The following RCSD1 variants were observed in gnomAD, a reference collection of about 807,000 sequenced individuals.
RCSD1 encodes capZ-interacting protein.
Under a neutral mutation model 42.5 loss-of-function variants are expected in RCSD1, and 26 were observed. That is an observed-to-expected ratio of 0.61 (90% confidence interval 0.45 to 0.85). The LOEUF (loss-of-function observed/expected upper bound fraction) is 0.85. Among genes scored for constraint, RCSD1 ranks in the 40% least tolerant of loss-of-function variants. The pLI is 0.00. For synonymous variants in RCSD1, 220 were observed against 212.2 expected, an observed-to-expected ratio of 1.04 and a Z score of -0.32; for missense variants, 571 against 528.3, an observed-to-expected ratio of 1.08 and a Z score of -0.79.
At chr1:167,674,892 G>C (rs976288864) in intron 1 of RCSD1, among the ~76,000 whole-genome samples, 1 of 152,110 alleles carries the variant, frequency 6.6e-6, no homozygotes, top group Non-Finnish European at 1.5e-5. Context: ...CATTGTATTA[G>C]TCTGTTCTCA....
chr1:167,634,332 A>G (rs1389170380), intron 1 of RCSD1, among the ~76,000 whole-genome samples: 3 of 152,082 alleles, frequency 2.0e-5, no homozygotes, highest in Non-Finnish European at 4.4e-5. Context: ...GGGCACCAAG[A>G]AAGGCTTGTT....
At chr1:167,652,782 G>A (rs149262997) in intron 1 of RCSD1, among the ~76,000 whole-genome samples, 4 of 152,192 alleles carry the variant, frequency 2.6e-5, no homozygotes, top group African/African-American at 9.6e-5. Context: ...TTCGTCATTT[G>A]TAATGGTAGC....
chr1:167,632,548 G>T (rs1277158566), intron 1 of RCSD1, among the ~76,000 whole-genome samples: 4 of 152,036 alleles, frequency 2.6e-5, no homozygotes, highest in African/African-American at 9.7e-5. Flanking sequence ...AAAAGAGAAG[G>T]CCCTCCCTTA....
chr1:167,639,581 C>T (rs1657954232), intron 1 of RCSD1, among the ~76,000 whole-genome samples: 2 of 152,164 alleles, frequency 1.3e-5, no homozygotes, highest in African/African-American at 4.8e-5. Flanking sequence ...CAACCTCCAC[C>T]TCCCTGGTTC....
chr1:167,683,655 G>A (rs1571094050), intron 1 of RCSD1, among the ~76,000 whole-genome samples: 1 of 152,250 alleles, frequency 6.6e-6, no homozygotes, highest in East Asian at 1.9e-4. Flanking sequence ...CACCCCTCCA[G>A]GACAGAACCA....
intron 1 of RCSD1, among the ~76,000 whole-genome samples, chr1:167,675,131 A>G (rs533687818): frequency 1.5e-5 from 2 of 136,970 alleles, no homozygotes; most frequent in Non-Finnish European, 3.1e-5. Context: ...GCTTGAACCC[A>G]GGAGGTGGAG....
At chr1:167,690,184 G>C in intron 4 of RCSD1, 64 bp downstream of exon 4, 2 of 1,531,624 alleles carry the variant, frequency 1.3e-6, no homozygotes, top group African/African-American at 1.4e-5. Flanking sequence ...TCCAAAATTT[G>C]CATGACTTTG....
At chr1:167,630,986 T>C (rs1196306226) in intron 1 of RCSD1, among the ~76,000 whole-genome samples, 1 of 152,178 alleles carries the variant, frequency 6.6e-6, no homozygotes, top group African/African-American at 2.4e-5. Context: ...CGCATCTTCT[T>C]CCATAACTTT....
At chr1:167,640,203 A>G (rs1657971034) in intron 1 of RCSD1, among the ~76,000 whole-genome samples, 1 of 152,174 alleles carries the variant, frequency 6.6e-6, no homozygotes, top group African/African-American at 2.4e-5. Flanking sequence ...GCTCAAAACA[A>G]CAGAAACGTC....
chr1:167,671,847 C>T (rs1166919008), intron 1 of RCSD1, among the ~76,000 whole-genome samples: 1 of 152,234 alleles, frequency 6.6e-6, no homozygotes, highest in Non-Finnish European at 1.5e-5. Context: ...TGCACGCATG[C>T]TTACATGACA....
At chr1:167,630,721 TAAAAAAAAAAAAAAAAAA>T (rs71097689) in intron 1 of RCSD1, 11 of 32,600 alleles carry the variant, frequency 3.4e-4, no homozygotes, top group South Asian at 3.1e-3. Context: ...ACTTAAATGC[TAAAAAAAAAAAAAAAAAA>T]AAAAAAAAAA....
intron 1 of RCSD1, among the ~76,000 whole-genome samples, chr1:167,651,377 A>G (rs1386980827): frequency 2.6e-5 from 4 of 152,212 alleles, no homozygotes; most frequent in South Asian, 4.1e-4. Flanking sequence ...CTTTCCCTTC[A>G]TGCCTGGCTC....
intron 1 of RCSD1, among the ~76,000 whole-genome samples, chr1:167,668,079 T>C (rs1421604977): frequency 1.3e-5 from 2 of 152,036 alleles, no homozygotes; most frequent in African/African-American, 2.4e-5. Flanking sequence ...TCACCTGAGG[T>C]CAGGAGTTCA....
chr1:167,688,988 A>G (rs147899202), intron 3 of RCSD1, among the ~76,000 whole-genome samples: 3 of 152,272 alleles, frequency 2.0e-5, no homozygotes, highest in East Asian at 3.9e-4. Flanking sequence ...ATATTTTTAC[A>G]TGATATGGAT....
intron 1 of RCSD1, among the ~76,000 whole-genome samples, chr1:167,666,146 T>C (rs576592734): frequency 6.6e-6 from 1 of 152,256 alleles, no homozygotes; most frequent in African/African-American, 2.4e-5. Flanking sequence ...ACGTAAACTC[T>C]CTATGCTTTT....
intron 1 of RCSD1, among the ~76,000 whole-genome samples, chr1:167,663,051 G>A (rs752683354): frequency 2.6e-5 from 4 of 152,176 alleles, no homozygotes; most frequent in Non-Finnish European, 4.4e-5. Flanking sequence ...GTGAGTTCAC[G>A]CCGCTCCTCT....
chr1:167,631,510 G>A (rs1657696306), intron 1 of RCSD1, among the ~76,000 whole-genome samples: 1 of 152,016 alleles, frequency 6.6e-6, no homozygotes, highest in Admixed American at 6.5e-5. Context: ...TTTGAGACAG[G>A]GTCTCATTCT....
intron 1 of RCSD1, among the ~76,000 whole-genome samples, chr1:167,670,694 C>T (rs1216446613): frequency 1.3e-5 from 2 of 152,190 alleles, no homozygotes; most frequent in Admixed American, 6.5e-5. Context: ...GCAACTCACC[C>T]TTTCTGAGCA....
At chr1:167,648,738 A>T (rs868258703) in intron 1 of RCSD1, among the ~76,000 whole-genome samples, 1 of 152,170 alleles carries the variant, frequency 6.6e-6, no homozygotes, top group Non-Finnish European at 1.5e-5. Context: ...GGACACCAAG[A>T]ATCTCACCCA....
Sources: allele counts gnomAD v4.1 joint callset (sites outside exome capture counted in the v4.1 genomes callset), GRCh38; gene constraint gnomAD v4.1.1; transcripts MANE v1.5; gene names NCBI Gene and HGNC (gene_info 2026-07-23, HGNC 2026-07-21).